Variants in ZNF577 observed in about 807,000 individuals in gnomAD.
The protein encoded by ZNF577 is zinc finger protein 577.
Under a neutral mutation model 13.9 loss-of-function variants are expected in ZNF577, and 14 were observed. That is an observed-to-expected ratio of 1.00 (90% CI 0.66 to 1.57). ZNF577 has a LOEUF of 1.57. ZNF577 is among the 40% of genes most tolerant of loss of function. The pLI is 0.00. For missense variants in ZNF577, 555 were observed against 579.2 expected (o/e 0.96, Z 0.43); for synonymous variants, 203 against 202.9 (o/e 1.00, Z 0.00).
intron 1 of ZNF577, among the ~76,000 whole-genome samples, chr19:51,882,993 ATTTT>A (rs536929212): frequency 0.015 from 1,990 of 133,026 alleles, 54 homozygotes; most frequent in African/African-American, 0.053. Context: ...TTTAAAAAAA[ATTTT>A]TTTTTTTTTT....
chr19:51,842,137 T>A (rs2084324612), intron 8 of ZNF577, among the ~76,000 whole-genome samples: 1 of 152,180 alleles, frequency 6.6e-6, no homozygotes, highest in South Asian at 2.1e-4. Flanking sequence ...GGTGGTTGTA[T>A]CTAATAGGCT....
chr19:51,832,905 T>G (rs1456225562), intron 9 of ZNF577, among the ~76,000 whole-genome samples: 1 of 152,232 alleles, frequency 6.6e-6, no homozygotes, highest in East Asian at 1.9e-4. Context: ...TTAGCCAATA[T>G]CACACTGTCT....
chr19:51,805,197 G>GT, exon 11 of ZNF577: 1 of 152,332 alleles, frequency 6.6e-6, no homozygotes, highest in East Asian at 1.9e-4. Flanking sequence ...TTGAAAGAAT[G>GT]TAAGACCAGG....
At position 51,855,381 on chromosome 19, in the gene ZNF577, G is replaced by C. The variant is rs570627125; in HGVS notation, c.284-10450C>G. 1.3e-3 allele frequency among the ~76,000 whole-genome samples: 179 copies of C among 138,976 alleles called. 5 individuals carry two copies. The East Asian group carries it at 0.035, about 27-fold the overall frequency. 91.2% of individuals were successfully genotyped at this position (138,976 alleles called of 152,430 possible). ...TGCTGAGGGTGCTGTGTGTGTGTGTGTGTGTGTGTGTGTGTGTGTGTGTGT... is the reference window on the plus strand; with the variant it reads ...TGCTGAGGGTGCTGTGTGTGTGTGTCTGTGTGTGTGTGTGTGTGTGTGTGT... On this transcript the variant is annotated intron_variant and NMD_transcript_variant, in intron 5 of 10. Transcript: ENST00000638827.
At chr19:51,857,357 A>AGAAGGAAG (rs200930484) in intron 5 of ZNF577, among the ~76,000 whole-genome samples, 6 of 122,918 alleles carry the variant, frequency 4.9e-5, no homozygotes, top group Admixed American at 8.5e-5. Flanking sequence ...AGAGAAAGAA[A>AGAAGGAAG]GAAGGAAGGA....
chr19:51,870,413 T>C lies in ZNF577; in HGVS notation c.*2119A>G, dbSNP rs2084640852. On this transcript the variant is annotated 3_prime_UTR_variant, in exon 6 of 6. Transcript: ENST00000638348. ...ATGGCCTTTTCATGGCTTGCATGTA[T>C]GCTTTGTGAGGAGAGTTCGAGGCAG... Among the ~76,000 whole-genome samples, 1 of 152,216 alleles carries C rather than the reference T, an allele frequency of 6.6e-6. No individual in the cohort carries two copies. Among genetic ancestry groups the C allele is most frequent in the Non-Finnish European group, 1.5e-5 (1 of 68,048 alleles).
chr19:51,846,926 A>G (rs2084356020), intron 5 of ZNF577, among the ~76,000 whole-genome samples: 1 of 152,192 alleles, frequency 6.6e-6, no homozygotes. Flanking sequence ...TGACTAATAC[A>G]TTACATGCCA....
At chr19:51,862,169 G>C (rs1225015397), downstream of ZNF577, 1 of 152,360 alleles carries the variant, frequency 6.6e-6, no homozygotes, top group Non-Finnish European at 1.5e-5. Context: ...TGAGTTCTCT[G>C]ATATACAATG....
chr19:51,832,060 C>T (rs948915797), intron 9 of ZNF577, among the ~76,000 whole-genome samples: 2 of 152,130 alleles, frequency 1.3e-5, no homozygotes, highest in Admixed American at 6.5e-5. Flanking sequence ...CTTGTTGTAG[C>T]TTTTTGTCAA....
chr19:51,850,309 T>C (rs1210937659), intron 5 of ZNF577, among the ~76,000 whole-genome samples: 1 of 152,256 alleles, frequency 6.6e-6, no homozygotes, highest in Non-Finnish European at 1.5e-5. Context: ...ACTCCACCTG[T>C]GCAGACTATG....
chr19:51,851,221 C>T (rs923898169), intron 5 of ZNF577, among the ~76,000 whole-genome samples: 1 of 152,100 alleles, frequency 6.6e-6, no homozygotes, highest in Admixed American at 6.5e-5. Context: ...TTCAGATACC[C>T]CATCTTATTA....
In ZNF577 at chr19:51,868,770, G is replaced by A. The variant is rs181370301; in HGVS notation, c.*3762C>T. Among the ~76,000 whole-genome samples, 1 of 152,314 alleles carries A rather than the reference G, an allele frequency of 6.6e-6. No individual in the cohort carries two copies. The highest frequency in any genetic ancestry group is 1.5e-5 in the Non-Finnish European group (1 of 68,034). On this transcript the variant is annotated 3_prime_UTR_variant, in exon 6 of 6. Coordinates refer to ENST00000638348, the MANE Select transcript of ZNF577 (RefSeq NM_001370449.1). ...TCTATGTAGAAAAAGGAAGACATAAGAAACTCTATTTTGATCTGTACTAAG... is the reference window on the plus strand; with the variant it reads ...TCTATGTAGAAAAAGGAAGACATAAAAAACTCTATTTTGATCTGTACTAAG...
intron 4 of ZNF577, 78 bp downstream of exon 4, chr19:51,878,311 A>G: frequency 6.9e-7 from 1 of 1,451,794 alleles, no homozygotes; most frequent in Non-Finnish European, 9.3e-7. Context: ...TTTAGTCTAA[A>G]CCATTAAATA....
intron 5 of ZNF577, among the ~76,000 whole-genome samples, chr19:51,876,382 T>C (rs2084763072): frequency 6.6e-6 from 1 of 150,384 alleles, no homozygotes; most frequent in African/African-American, 2.5e-5. Flanking sequence ...ACTTTGCGAG[T>C]CTCCAGCAGG....
chr19:51,869,059 C>G lies in ZNF577; in HGVS notation c.*3473G>C, dbSNP rs1022598443. 2.0e-5 allele frequency among the ~76,000 whole-genome samples: 3 copies of G among 152,224 alleles called. No homozygotes were observed. Among genetic ancestry groups the G allele is most frequent in the Non-Finnish European group, 4.4e-5 (3 of 68,048 alleles). On this transcript the variant is annotated 3_prime_UTR_variant, in exon 6 of 6. Transcript: ENST00000638348. ...CTGGGTATCGTCCAAGGTTTCTCCC[C>G]ACTGAGACAGCCTGAGATATGGCCT...
intron 9 of ZNF577, among the ~76,000 whole-genome samples, chr19:51,826,679 G>A (rs1289631786): frequency 6.6e-6 from 1 of 152,214 alleles, no homozygotes. Flanking sequence ...TAAACATGAT[G>A]CTGGCCACAT....
Position 51,871,142 on chromosome 19 carries a change from CA to C in ZNF577, c.*1389del. ...TTTTAGAGTCAGAGTCTTATTCTGT[CA>C]CCCACGCTGTAGTGCAGTGGCATGA... On this transcript the variant is annotated 3_prime_UTR_variant, in exon 6 of 6. Coordinates refer to ENST00000638348, the MANE Select transcript of ZNF577 (RefSeq NM_001370449.1). The C allele has an allele frequency of 6.6e-6, 1 of 152,226 alleles. No homozygotes were observed. The highest frequency in any genetic ancestry group is 1.9e-4 in the East Asian group (1 of 5,168). The allele number at this position is 152,226 out of a possible 1,614,324, so 9.4% of individuals were successfully genotyped here.
downstream of ZNF577, chr19:51,863,115 C>CTTTA (rs1278334666): frequency 6.6e-6 from 1 of 152,204 alleles, no homozygotes; most frequent in Non-Finnish European, 1.5e-5. Flanking sequence ...GAGCAATGAG[C>CTTTA]TTTAACTCAC....
intron 10 of ZNF577, among the ~76,000 whole-genome samples, chr19:51,808,129 G>T (rs2084072691): frequency 6.6e-6 from 1 of 152,220 alleles, no homozygotes; most frequent in Non-Finnish European, 1.5e-5. Context: ...GTTAGTTGCT[G>T]CAGGGAATTT....
Sources: gnomAD v4.1 joint callset for allele counts (sites outside exome capture counted in the v4.1 genomes callset) on GRCh38, gnomAD v4.1.1 for gene constraint, MANE v1.5 for transcripts, NCBI Gene and HGNC (gene_info 2026-07-23, HGNC 2026-07-21) for gene names.